The following TTC3 variants were observed in gnomAD, a reference collection of about 807,000 sequenced individuals.
TTC3 encodes tetratricopeptide repeat domain 3.
Under a neutral mutation model 249.6 loss-of-function variants are expected in TTC3, and 180 were observed. The observed-to-expected ratio is 0.72, with a 90% CI of 0.64 to 0.82. The LOEUF is 0.82. Ranked by LOEUF, TTC3 falls within the 40% of genes least tolerant of loss-of-function variation. The pLI, the probability that TTC3 is intolerant of heterozygous loss-of-function variation, is 0.00. For synonymous variants in TTC3, 717 were observed against 805.0 expected (o/e 0.89, Z 1.85); for missense variants, 2,061 against 2,398.4 (o/e 0.86, Z 2.94).
At chr21:37,109,243 T>C (rs1378021041) in intron 11 of TTC3, among the ~76,000 whole-genome samples, 2 of 152,062 alleles carry the variant, frequency 1.3e-5, no homozygotes, top group Non-Finnish European at 2.9e-5. Context: ...GCACCATGTG[T>C]GAGCTGAAGC....
At chr21:37,193,133 C>A (rs1305507346) in intron 41 of TTC3, among the ~76,000 whole-genome samples, 1 of 152,196 alleles carries the variant, frequency 6.6e-6, no homozygotes, top group African/African-American at 2.4e-5. Flanking sequence ...TCTCCCAGCA[C>A]CTGACTTCCA....
intron 21 of TTC3, among the ~76,000 whole-genome samples, chr21:37,146,803 A>G (rs577183669): frequency 6.6e-6 from 1 of 152,340 alleles, no homozygotes; most frequent in African/African-American, 2.4e-5. Context: ...ATATGCTAAG[A>G]ACACCGAACC....
intron 45 of TTC3, 121 bp from the exon 46 acceptor site, chr21:37,201,319 C>A: frequency 1.6e-6 from 2 of 1,260,148 alleles, no homozygotes; most frequent in Non-Finnish European, 2.3e-6. Flanking sequence ...TATTGGGCAG[C>A]TCCAGGCCCA....
At chr21:37,201,641 G>T in exon 46 of TTC3, 1 of 1,566,158 alleles carries the variant, frequency 6.4e-7, no homozygotes, top group South Asian at 1.2e-5. Flanking sequence ...TCTACCACTG[G>T]TGTAAAAAAC....
At chr21:37,140,529 G>C in intron 19 of TTC3, 32 bp from the exon 20 acceptor site, 1 of 1,381,882 alleles carries the variant, frequency 7.2e-7, no homozygotes, top group Non-Finnish European at 9.8e-7. Flanking sequence ...CTCTTTGTAT[G>C]TAAGTGATCA....
intron 39 of TTC3, among the ~76,000 whole-genome samples, chr21:37,189,076 G>A (rs979400499): frequency 4.7e-5 from 5 of 106,030 alleles, no homozygotes; most frequent in Non-Finnish European, 7.5e-5. Flanking sequence ...TCATTTCCAT[G>A]CAGTAAAATT....
intron 27 of TTC3, 37 bp from the exon 28 acceptor site, chr21:37,156,618 C>T: frequency 1.3e-6 from 2 of 1,571,404 alleles, no homozygotes. Flanking sequence ...TAAATAATTT[C>T]CCTCCTCTTC....
At chr21:37,151,054 A>G (rs1431038198) in intron 25 of TTC3, among the ~76,000 whole-genome samples, 170 bp downstream of exon 25, 1 of 152,206 alleles carries the variant, frequency 6.6e-6, no homozygotes, top group African/African-American at 2.4e-5. Context: ...AAAGAGAACT[A>G]GCCTAGAATG....
intron 12 of TTC3, 47 bp downstream of exon 12, chr21:37,122,026 A>G (rs141461858): frequency 1.5e-5 from 23 of 1,527,982 alleles, no homozygotes; most frequent in African/African-American, 7.0e-5. Flanking sequence ...TTCCCTTTCA[A>G]ACTTTGGAGG....
Position 37,087,496 on chromosome 21 carries a change from C to A in TTC3, c.144+95C>A, listed in dbSNP as rs548398544. ...AGTAAAGATGTTTTTGTGGTACGTGCGTTTTGACAGGGAGGTACACATGCT... is the reference window on the plus strand; with the variant it reads ...AGTAAAGATGTTTTTGTGGTACGTGAGTTTTGACAGGGAGGTACACATGCT... On this transcript the variant is annotated intron_variant, in intron 2 of 45. Coordinates refer to ENST00000355666, the Ensembl canonical transcript of TTC3. 5 of 1,459,584 alleles carry A rather than the reference C, an allele frequency of 3.4e-6. No homozygotes were observed. In the Admixed American group the frequency reaches 5.8e-5, roughly 17 times the overall value. The allele number at this position is 1,459,584 out of a possible 1,614,324, so 90.4% of individuals were successfully genotyped here.
chr21:37,162,966 A>G (rs2080907236), intron 31 of TTC3, among the ~76,000 whole-genome samples: 1 of 152,300 alleles, frequency 6.6e-6, no homozygotes, highest in Non-Finnish European at 1.5e-5. Context: ...AAGTCCATTC[A>G]TGGGGGTAGA....
chr21:37,144,572 A>T (rs2078815487), exon 21 of TTC3: 1 of 1,612,788 alleles, frequency 6.2e-7, no homozygotes, highest in Admixed American at 1.7e-5. Context: ...ACCTTGATTT[A>T]TCGTCTTCCT....
At chr21:37,179,448 A>G (rs1236605515) in intron 35 of TTC3, among the ~76,000 whole-genome samples, 4 of 152,198 alleles carry the variant, frequency 2.6e-5, no homozygotes. Flanking sequence ...CATTTGCAGC[A>G]CAAAAGTTTT....
intron 1 of TTC3, among the ~76,000 whole-genome samples, chr21:37,076,694 A>ATTTTTTTTTTTTTTTTTTTTT (rs61629167): frequency 1.1e-5 from 1 of 95,004 alleles, no homozygotes; most frequent in African/African-American, 4.7e-5. Context: ...AAACAAAGGG[A>ATTTTTTTTTTTTTTTTTTTTT]TTTTTTTTTT....
At chr21:37,172,839 A>G (rs957406428) in intron 35 of TTC3, 95 bp downstream of exon 35, 2 of 1,396,328 alleles carry the variant, frequency 1.4e-6, no homozygotes, top group African/African-American at 3.0e-5. Flanking sequence ...GAACTTCTGC[A>G]TTGGTGGCTA....
At chr21:37,127,396 G>A (rs922255452) in intron 15 of TTC3, among the ~76,000 whole-genome samples, 3 of 152,102 alleles carry the variant, frequency 2.0e-5, no homozygotes, top group African/African-American at 4.8e-5. Flanking sequence ...CACAGACACC[G>A]CAGAACCTCA....
At chr21:37,201,924 T>C (rs1190864214) in exon 46 of TTC3, 1 of 189,394 alleles carries the variant, frequency 5.3e-6, no homozygotes, top group Non-Finnish European at 1.0e-5. Flanking sequence ...CCCACGTTTG[T>C]TCCCCACGTT....
In TTC3 at chr21:37,083,194, G is replaced by A. The variant is rs2071943047; in HGVS notation, c.-11-4053G>A. On this transcript the variant is annotated intron_variant, in intron 1 of 45. Coordinates refer to ENST00000355666, the Ensembl canonical transcript of TTC3. ...ATTAAGAACTAATAGACATTAGGTGGTTGCAGAATAAGTTTTGTTTAGGAA... is the reference window on the plus strand; with the variant it reads ...ATTAAGAACTAATAGACATTAGGTGATTGCAGAATAAGTTTTGTTTAGGAA... 3 of 985,294 alleles carry A rather than the reference G, an allele frequency of 3.0e-6. No homozygotes were observed. In the South Asian group the frequency reaches 1.4e-4, roughly 46 times the overall value. 61.0% of individuals were successfully genotyped at this position (985,294 alleles called of 1,614,324 possible).
At chr21:37,112,307 TAAGAA>T (rs945287034) in intron 11 of TTC3, among the ~76,000 whole-genome samples, 19 of 151,092 alleles carry the variant, frequency 1.3e-4, no homozygotes, top group African/African-American at 3.9e-4. Flanking sequence ...GCAAGACTAA[TAAGAA>T]AAGAGAGAAG....
Sources: allele counts gnomAD v4.1 joint callset (sites outside exome capture counted in the v4.1 genomes callset), GRCh38; gene constraint gnomAD v4.1.1; transcripts MANE v1.5; gene names NCBI Gene and HGNC (gene_info 2026-07-23, HGNC 2026-07-21).